Variants in NT5DC1 observed in about 807,000 individuals in gnomAD.
NT5DC1 encodes the protein 5'-nucleotidase domain-containing protein 1.
In NT5DC1, 42 loss-of-function variants were observed where a neutral mutation model predicts 59.4. That is an observed-to-expected ratio of 0.71 (90% CI 0.55 to 0.92). NT5DC1 has a LOEUF of 0.92. NT5DC1 is among the 40% of genes least tolerant of loss of function. The pLI is 0.00. For synonymous variants in NT5DC1, 172 were observed against 188.1 expected (o/e 0.91, Z 0.70); for missense variants, 501 against 537.1 (o/e 0.93, Z 0.66).
chr6:116,133,130 C>T (rs1779509802), intron 6 of NT5DC1, among the ~76,000 whole-genome samples: 1 of 152,188 alleles, frequency 6.6e-6, no homozygotes, highest in South Asian at 2.1e-4. Context: ...ACTTGAAGAG[C>T]TCATAGTTTC....
chr6:116,238,857 A>T, intron 10 of NT5DC1, 98 bp from the exon 11 acceptor site: 1 of 734,332 alleles, frequency 1.4e-6, no homozygotes, highest in Non-Finnish European at 2.3e-6. Flanking sequence ...GTAGATTCCT[A>T]CAGGGTTTCA....
At chr6:116,237,953 G>C (rs1782152474) in intron 9 of NT5DC1, among the ~76,000 whole-genome samples, 1 of 152,118 alleles carries the variant, frequency 6.6e-6, no homozygotes, top group African/African-American at 2.4e-5. Context: ...ACCTTATGCT[G>C]TCTTCCACCT....
At chr6:116,173,855 A>G (rs1435305934) in intron 6 of NT5DC1, among the ~76,000 whole-genome samples, 1 of 152,170 alleles carries the variant, frequency 6.6e-6, no homozygotes, top group Non-Finnish European at 1.5e-5. Context: ...TTAACTAACC[A>G]CAAGACTTCA....
In NT5DC1 at chr6:116,115,751, T is replaced by C. The variant is rs778712839; in HGVS notation, c.425T>C (p.Val142Ala). 3 of 1,589,472 alleles carry C rather than the reference T, an allele frequency of 1.9e-6. No individual in the cohort carries two copies. Among genetic ancestry groups the C allele is most frequent in the Non-Finnish European group, 2.6e-6 (3 of 1,157,710 alleles). Residue 142 changes from valine (V) to alanine (A), a missense_variant, in exon 5 of 12, where the codon GTG becomes GCG. Val to Ala is a moderately conservative substitution (Grantham distance 64, BLOSUM62 0). Transcript: ENST00000319550. ...CCAGGAGCTCTTCTGTGTGCCAGGG[T>C]GGTGGACTATTTAACAAAAGTAAGT... Reference protein sequence around the residue: ...DLPGALLCARVVDYLTKLNNG... With the variant: ...DLPGALLCARAVDYLTKLNNG...
chr6:116,164,083 G>T (rs1780409569), intron 6 of NT5DC1, among the ~76,000 whole-genome samples: 1 of 152,136 alleles, frequency 6.6e-6, no homozygotes, highest in Non-Finnish European at 1.5e-5. Flanking sequence ...GTTGTTGGGT[G>T]GAATGTTCTT....
chr6:116,201,203 T>TA lies in NT5DC1; in HGVS notation c.530-19845dup, dbSNP rs1239612922. Among the ~76,000 whole-genome samples the TA allele has an allele frequency of 2.0e-5, 3 of 152,024 alleles. No homozygotes were observed. The East Asian group carries it at 5.8e-4, about 30-fold the overall frequency. On this transcript the variant is annotated intron_variant, in intron 6 of 11. Coordinates refer to ENST00000319550, the MANE Select transcript of NT5DC1 (RefSeq NM_152729.3). ...CTTGGAGGGACAATACATGAGCAGA[T>TA]AAAAAAGTTTAATATAGGTAACTAC...
chr6:116,174,436 T>C (rs886241908), intron 6 of NT5DC1, among the ~76,000 whole-genome samples: 2 of 152,228 alleles, frequency 1.3e-5, no homozygotes, highest in Non-Finnish European at 2.9e-5. Flanking sequence ...AAAGACGATA[T>C]GCATGATTAA....
chr6:116,166,309 T>A (rs1282884744), intron 6 of NT5DC1, among the ~76,000 whole-genome samples: 1 of 152,170 alleles, frequency 6.6e-6, no homozygotes, highest in African/African-American at 2.4e-5. Flanking sequence ...TGAGGATAAC[T>A]GACATCCAAA....
At chr6:116,153,945 G>A (rs1780116098) in intron 6 of NT5DC1, among the ~76,000 whole-genome samples, 1 of 151,474 alleles carries the variant, frequency 6.6e-6, no homozygotes, top group African/African-American at 2.4e-5. Context: ...CCATTGCAGT[G>A]TAAAGCTGTA....
chr6:116,140,743 A>G (rs1779744650), intron 6 of NT5DC1, among the ~76,000 whole-genome samples: 1 of 152,168 alleles, frequency 6.6e-6, no homozygotes, highest in East Asian at 1.9e-4. Context: ...CACTGTATGT[A>G]TCTGCTTCTG....
intron 6 of NT5DC1, among the ~76,000 whole-genome samples, chr6:116,150,117 T>C (rs1157401786): frequency 6.6e-6 from 1 of 152,136 alleles, no homozygotes. Context: ...AGTCGAGTCT[T>C]TGACAAGGGC....
chr6:116,124,195 A>G (rs1216863536), intron 6 of NT5DC1, among the ~76,000 whole-genome samples: 1 of 152,130 alleles, frequency 6.6e-6, no homozygotes, highest in African/African-American at 2.4e-5. Flanking sequence ...ACAATTCTAT[A>G]AGTTTCATTG....
intron 6 of NT5DC1, among the ~76,000 whole-genome samples, chr6:116,172,981 T>C (rs1780645718): frequency 6.6e-6 from 1 of 152,228 alleles, no homozygotes. Context: ...TTGAGATATC[T>C]TAATTTTTTT....
At position 116,128,443 on chromosome 6, in the gene NT5DC1, TC is replaced by T. The variant is rs746829260; in HGVS notation, c.529+10499del. Among the ~76,000 whole-genome samples, 1,403 of 152,272 alleles carry T rather than the reference TC, an allele frequency of 9.2e-3. 21 individuals carry two copies. The highest frequency in any genetic ancestry group is 0.013 in the Non-Finnish European group (878 of 67,998). ...GCTTTATGAAGGAAACCCATTCCAC[TC>T]AAAACAGAGAGCCATACTCTTTAAA... On this transcript the variant is annotated intron_variant, in intron 6 of 11. Transcript: ENST00000319550.
At chr6:116,141,633 A>G (rs1334206156) in intron 6 of NT5DC1, among the ~76,000 whole-genome samples, 2 of 151,886 alleles carry the variant, frequency 1.3e-5, no homozygotes, top group African/African-American at 4.8e-5. Context: ...AGAATTTCTG[A>G]TTCTAGGTTT....
chr6:116,240,574 A>G (rs1771693182), intron 11 of NT5DC1, among the ~76,000 whole-genome samples: 1 of 152,190 alleles, frequency 6.6e-6, no homozygotes, highest in Non-Finnish European at 1.5e-5. Flanking sequence ...ATGAGAGAAA[A>G]TGATGGGGAA....
chr6:116,108,763 T>C (rs1043487092), intron 3 of NT5DC1, among the ~76,000 whole-genome samples: 8 of 152,236 alleles, frequency 5.3e-5, no homozygotes, highest in African/African-American at 1.9e-4. Context: ...GCTGACTGTG[T>C]GGCTGCCTAA....
At chr6:116,138,447 T>TTGG (rs1287216844) in intron 6 of NT5DC1, among the ~76,000 whole-genome samples, 1 of 152,206 alleles carries the variant, frequency 6.6e-6, no homozygotes, top group Non-Finnish European at 1.5e-5. Context: ...CCATCTCAAA[T>TTGG]TGGTGAACAC....
intron 6 of NT5DC1, among the ~76,000 whole-genome samples, chr6:116,135,861 A>G (rs1035731272): frequency 8.1e-6 from 1 of 123,574 alleles, no homozygotes; most frequent in Non-Finnish European, 1.6e-5. Flanking sequence ...ATATATATAT[A>G]TATATATATA....
Sources: gnomAD v4.1 joint callset for allele counts (sites outside exome capture counted in the v4.1 genomes callset) on GRCh38, gnomAD v4.1.1 for gene constraint, MANE v1.5 for transcripts, NCBI Gene and HGNC (gene_info 2026-07-23, HGNC 2026-07-21) for gene names.